Variants in ANK1 observed in about 807,000 individuals in gnomAD.
ANK1 encodes ankyrin-1.
Under a neutral mutation model 210.4 loss-of-function variants are expected in ANK1, and 51 were observed. The observed-to-expected ratio is 0.24, with a 90% confidence interval of 0.19 to 0.31. The LOEUF is 0.31. Among genes scored for constraint, ANK1 ranks in the 10% least tolerant of loss-of-function variants. The pLI is 1.00. For missense variants in ANK1, 2,051 were observed against 2,504.4 expected, an observed-to-expected ratio of 0.82 and a Z score of 3.86; for synonymous variants, 967 against 1,025.9, an observed-to-expected ratio of 0.94 and a Z score of 1.10.
chr8:41,821,619 T>C (rs978365854), intron 1 of ANK1, among the ~76,000 whole-genome samples: 1 of 152,336 alleles, frequency 6.6e-6, no homozygotes, highest in South Asian at 2.1e-4. Flanking sequence ...TAGTTGGCCA[T>C]GACTTCCTCC....
intron 37 of ANK1, among the ~76,000 whole-genome samples, chr8:41,677,401 T>TA (rs1321265585): frequency 6.6e-6 from 1 of 152,180 alleles, no homozygotes; most frequent in Non-Finnish European, 1.5e-5. Context: ...GGGTTTAATT[T>TA]ACTCTTCTTT....
chr8:41,797,703 G>A (rs1849050820), upstream of ANK1: 1 of 1,097,482 alleles, frequency 9.1e-7, no homozygotes, highest in South Asian at 2.1e-5. The surrounding 1 kb of genome is among the most constrained non-coding windows in gnomAD (Gnocchi z 4.0). Context: ...GGGCGCTCCC[G>A]GCACGGGCGG....
At chr8:41,709,739 A>G (rs1825646564) in intron 16 of ANK1, among the ~76,000 whole-genome samples, 1 of 152,206 alleles carries the variant, frequency 6.6e-6, no homozygotes, top group Non-Finnish European at 1.5e-5. Flanking sequence ...GTTTGAGACC[A>G]GCCTGGGCAA....
At chr8:41,750,780 C>G (rs891317944) in intron 2 of ANK1, among the ~76,000 whole-genome samples, 1 of 152,202 alleles carries the variant, frequency 6.6e-6, no homozygotes, top group African/African-American at 2.4e-5. Context: ...AGAGGACCAA[C>G]AGTGCCTGGG....
chr8:41,728,038 G>A, intron 3 of ANK1, 32 bp from the exon 4 acceptor site: 1 of 1,607,498 alleles, frequency 6.2e-7, no homozygotes, highest in Non-Finnish European at 8.5e-7. Context: ...AACAGAGGCG[G>A]TTTCCCACTG....
chr8:41,712,007 C>G (rs775221977), intron 16 of ANK1, among the ~76,000 whole-genome samples: 2 of 152,016 alleles, frequency 1.3e-5, no homozygotes, highest in Non-Finnish European at 2.9e-5. Context: ...TCGCCGCAAT[C>G]TCTGCCTCCC....
rs112350393 is a variant in ANK1 at position 41,664,889 on chromosome 8, G to C, written c.5395-1147C>G. On this transcript the variant is annotated intron_variant, in intron 39 of 42. Coordinates refer to ENST00000289734, the MANE Select transcript of ANK1 (RefSeq NM_000037.4). ...GGCCCTCGCTCTCCCCCAGCTCCTTGTCCAGCTCCTGGTGGATGTGCTTTA... is the reference window on the plus strand; with the variant it reads ...GGCCCTCGCTCTCCCCCAGCTCCTTCTCCAGCTCCTGGTGGATGTGCTTTA... 8,275 of 1,614,146 alleles carry C rather than the reference G, an allele frequency of 5.1e-3. 353 individuals are homozygous for C. The African/African-American group carries it at 0.096, about 19-fold the overall frequency.
intron 1 of ANK1, among the ~76,000 whole-genome samples, chr8:41,785,001 G>A (rs2150752253): frequency 6.6e-6 from 1 of 152,246 alleles, no homozygotes; most frequent in African/African-American, 2.4e-5. Flanking sequence ...AGCGACGCTG[G>A]GCTTTGCCAG....
At chr8:41,697,193 T>C (rs1821303351) in intron 24 of ANK1, among the ~76,000 whole-genome samples, 1 of 152,204 alleles carries the variant, frequency 6.6e-6, no homozygotes, top group African/African-American at 2.4e-5. Flanking sequence ...CAGTTAGCTG[T>C]GGGCGGACTA....
chr8:41,789,958 G>A (rs751680817), intron 1 of ANK1, among the ~76,000 whole-genome samples: 5 of 152,180 alleles, frequency 3.3e-5, no homozygotes, highest in Non-Finnish European at 5.9e-5. Flanking sequence ...ACACAGTCCA[G>A]CCAATTCCTG....
At chr8:41,677,790 C>T (rs1001555900) in intron 37 of ANK1, among the ~76,000 whole-genome samples, 2 of 152,008 alleles carry the variant, frequency 1.3e-5, no homozygotes, top group Admixed American at 1.3e-4. Flanking sequence ...GAGTTTCACC[C>T]TGTTGCCCAG....
At chr8:41,767,248 C>T (rs1842027455) in intron 1 of ANK1, among the ~76,000 whole-genome samples, 2 of 151,994 alleles carry the variant, frequency 1.3e-5, no homozygotes, top group Admixed American at 6.6e-5. Context: ...GGAGCCACAA[C>T]CCGCAGGACG....
intron 2 of ANK1, among the ~76,000 whole-genome samples, chr8:41,747,413 T>C (rs571751548): frequency 3.9e-5 from 6 of 152,254 alleles, no homozygotes; most frequent in African/African-American, 1.4e-4. Context: ...TCTAGCCCCC[T>C]AAAAGTGGAT....
chr8:41,714,660 G>C (rs1044654492), intron 15 of ANK1, among the ~76,000 whole-genome samples: 3 of 152,258 alleles, frequency 2.0e-5, no homozygotes, highest in Middle Eastern at 3.4e-3. Context: ...CAGAGTTCGA[G>C]ACCAGCCTGG....
intron 1 of ANK1, chr8:41,803,327 T>A (rs1850462643): frequency 6.6e-6 from 1 of 152,226 alleles, no homozygotes; most frequent in African/African-American, 2.4e-5. Context: ...AGCTCTATTA[T>A]GAGGTCTCCT....
intron 2 of ANK1, among the ~76,000 whole-genome samples, chr8:41,757,519 G>C (rs1192576539): frequency 6.6e-6 from 1 of 152,176 alleles, no homozygotes; most frequent in Non-Finnish European, 1.5e-5. Context: ...AGGCTTGGCT[G>C]TGTCACTCAG....
At chr8:41,768,655 T>C (rs754877867) in intron 1 of ANK1, among the ~76,000 whole-genome samples, 2 of 152,098 alleles carry the variant, frequency 1.3e-5, no homozygotes, top group African/African-American at 2.4e-5. Context: ...CTAACAATAG[T>C]GTACTCAGCG....
intron 1 of ANK1, among the ~76,000 whole-genome samples, chr8:41,761,561 T>A (rs1054029258): frequency 1.3e-5 from 2 of 152,078 alleles, no homozygotes; most frequent in African/African-American, 4.8e-5. Context: ...AGGCCTTAAT[T>A]TAGATCTCCA....
chr8:41,781,602 G>A (rs1012389609), intron 1 of ANK1, among the ~76,000 whole-genome samples: 1 of 152,220 alleles, frequency 6.6e-6, no homozygotes, highest in Non-Finnish European at 1.5e-5. Flanking sequence ...AGCAAGAGCA[G>A]GAGGCATGGC....
Sources: allele counts gnomAD v4.1 joint callset (sites outside exome capture counted in the v4.1 genomes callset), GRCh38; gene constraint gnomAD v4.1.1; non-coding constraint Gnocchi (gnomAD v3.1); transcripts MANE v1.5; gene names NCBI Gene and HGNC (gene_info 2026-07-23, HGNC 2026-07-21).